XPR1: variants seen among roughly 807,000 people sequenced by gnomAD.
The protein encoded by XPR1 is xenotropic and polytropic retrovirus receptor 1.
A neutral mutation model predicts 87.5 loss-of-function variants in XPR1; 28 were observed. That is an observed-to-expected ratio of 0.32 (90% CI 0.24 to 0.44). XPR1 has a LOEUF of 0.44. Among genes scored for constraint, XPR1 ranks in the 20% least tolerant of loss-of-function variants. The pLI is 1.00. For missense variants in XPR1, 559 were observed against 862.3 expected, an observed-to-expected ratio of 0.65 and a Z score of 4.41; for synonymous variants, 300 against 306.1, an observed-to-expected ratio of 0.98 and a Z score of 0.21.
chr1:180,768,489 C>T (rs975920927), intron 2 of XPR1, among the ~76,000 whole-genome samples: 3 of 152,196 alleles, frequency 2.0e-5, no homozygotes, highest in African/African-American at 7.2e-5. Context: ...TTATGTAATT[C>T]TCTGTGACTG....
At chr1:180,665,335 G>A (rs1371464948) in intron 1 of XPR1, among the ~76,000 whole-genome samples, 1 of 152,112 alleles carries the variant, frequency 6.6e-6, no homozygotes, top group African/African-American at 2.4e-5. Context: ...GGGATTATGG[G>A]AATTTCAATT....
rs144713123 is a variant in XPR1 at position 180,712,891 on chromosome 1, T to C, written c.121+30480T>C. Reference sequence around the variant, plus strand: ...GGTCTATTTCTTGATTACTATAGCTTTAGTAATAGTCTTGAAATCAATTAG... The same window carrying C: ...GGTCTATTTCTTGATTACTATAGCTCTAGTAATAGTCTTGAAATCAATTAG... On this transcript the variant is annotated intron_variant, in intron 2 of 14. Coordinates refer to ENST00000367590, the MANE Select transcript of XPR1 (RefSeq NM_004736.4). 7.8e-3 allele frequency among the ~76,000 whole-genome samples: 1,183 copies of C among 151,616 alleles called. 17 individuals are homozygous for C. The highest frequency in any genetic ancestry group is 0.027 in the African/African-American group (1,131 of 41,426).
Position 180,689,194 on chromosome 1 carries a change from C to T in XPR1, c.121+6783C>T, listed in dbSNP as rs540678653. Among the ~76,000 whole-genome samples, 22 of 152,178 alleles carry T rather than the reference C, an allele frequency of 1.4e-4. No homozygotes were observed. In the South Asian group the frequency reaches 2.1e-3, roughly 14 times the overall value. On this transcript the variant is annotated intron_variant, in intron 2 of 14. Coordinates refer to ENST00000367590, the MANE Select transcript of XPR1 (RefSeq NM_004736.4). Reference sequence around the variant, plus strand: ...TTTAGATTTGTGCATTCTGAGACCACTTTAAGGTTGCATGACTCAGTAATG... The same window carrying T: ...TTTAGATTTGTGCATTCTGAGACCATTTTAAGGTTGCATGACTCAGTAATG...
At position 180,880,215 on chromosome 1, in the gene XPR1, G is replaced by A; in HGVS notation, c.1948G>A (p.Asp650Asn). The A allele has an allele frequency of 1.2e-6, 2 of 1,614,184 alleles. No individual in the cohort carries two copies. Among genetic ancestry groups the A allele is most frequent in the Non-Finnish European group, 8.5e-7 (1 of 1,180,040 alleles). The stretch of plus-strand genomic sequence containing the variant: ...CCTAGAACAGATGATGGACCAGGAT[G>A]ATGGGGTACGAAACCGCCAGAAGAA... Reference protein sequence around the residue: ...TLLEQMMDQDDGVRNRQKNRS... With the variant: ...TLLEQMMDQDNGVRNRQKNRS... Residue 650 changes from aspartate to asparagine, a missense_variant, in exon 14 of 15, where the codon GAT becomes AAT. By Grantham distance (23) the Asp-to-Asn change is conservative. This residue lies in a region of XPR1 where 80 missense variants were observed against 99.5 expected (regional missense o/e 0.80). Transcript: ENST00000367590.
At chr1:180,697,324 TTTTC>T (rs1207333423) in intron 2 of XPR1, among the ~76,000 whole-genome samples, 1 of 152,080 alleles carries the variant, frequency 6.6e-6, no homozygotes, top group African/African-American at 2.4e-5. Context: ...GTGTCTCCTT[TTTTC>T]TTTCTAATTT....
At chr1:180,794,753 G>GA (rs1649509248) in intron 3 of XPR1, among the ~76,000 whole-genome samples, 2 of 152,140 alleles carry the variant, frequency 1.3e-5, no homozygotes, top group Non-Finnish European at 2.9e-5. Flanking sequence ...CAGAGCAAGG[G>GA]AAAAAATCTA....
In XPR1 at chr1:180,701,833, CTTTA is replaced by C. The variant is rs904126219; in HGVS notation, c.121+19425_121+19428del. Reference sequence around the variant, plus strand: ...GTATTTGATTCTTCTCTCTTTTTTTCTTTATTAGTCTTGCTAGCGGTCTATCAAT... The same window carrying C: ...GTATTTGATTCTTCTCTCTTTTTTTCTTAGTCTTGCTAGCGGTCTATCAAT... On this transcript the variant is annotated intron_variant, in intron 2 of 14. Coordinates refer to ENST00000367590, the MANE Select transcript of XPR1 (RefSeq NM_004736.4). 3.6e-5 allele frequency among the ~76,000 whole-genome samples: 5 copies of C among 138,942 alleles called. 2 individuals carry two copies. Among genetic ancestry groups the C allele is most frequent in the African/African-American group, 1.5e-4 (5 of 33,086 alleles). The allele number at this position is 138,942 out of a possible 152,430, so 91.2% of individuals were successfully genotyped here.
At chr1:180,663,471 C>A (rs1655846413) in intron 1 of XPR1, among the ~76,000 whole-genome samples, 1 of 152,160 alleles carries the variant, frequency 6.6e-6, no homozygotes, top group African/African-American at 2.4e-5. Flanking sequence ...TTGTTCTCAT[C>A]TTTTACTTTG....
At chr1:180,670,430 T>G (rs560899154) in intron 1 of XPR1, among the ~76,000 whole-genome samples, 6 of 152,320 alleles carry the variant, frequency 3.9e-5, no homozygotes, top group Non-Finnish European at 8.8e-5. Context: ...TAACATCATA[T>G]AGTTAAAACA....
rs1169516551 is a variant in XPR1 at position 180,728,305 on chromosome 1, G to T, written c.121+45894G>T. On this transcript the variant is annotated intron_variant, in intron 2 of 14. Transcript: ENST00000367590. ...AAGGAGTTGTTTATAACTGGGGGGG[G>T]GGGTAGTAATGAAAACTATGTTGAT... Among the ~76,000 whole-genome samples, 7 of 144,036 alleles carry T rather than the reference G, an allele frequency of 4.9e-5. No homozygotes were observed. In the South Asian group the frequency reaches 9.6e-4, roughly 20 times the overall value. 94.5% of individuals were successfully genotyped at this position (144,036 alleles called of 152,430 possible).
In XPR1 at chr1:180,658,738, T is replaced by G. The variant is rs1571689873; in HGVS notation, c.70-23622T>G. ...CGCCACCATGCCCAGCTTTTTTTTT[T>G]TTTTGTATTTTTAGTAGAGACGGGG... On this transcript the variant is annotated intron_variant, in intron 1 of 14. Coordinates refer to ENST00000367590, the MANE Select transcript of XPR1 (RefSeq NM_004736.4). Among the ~76,000 whole-genome samples the G allele has an allele frequency of 2.0e-5, 3 of 151,572 alleles. No individual in the cohort carries two copies. The East Asian group carries it at 5.8e-4, about 29-fold the overall frequency.
chr1:180,673,123 GT>G lies in XPR1; in HGVS notation c.70-9231del, dbSNP rs2101933157. 1.3e-5 allele frequency among the ~76,000 whole-genome samples: 2 copies of G among 152,200 alleles called. 1 individual carries two copies. Among genetic ancestry groups the G allele is most frequent in the South Asian group, 4.1e-4 (2 of 4,828 alleles). On this transcript the variant is annotated intron_variant, in intron 1 of 14. Transcript: ENST00000367590. ...AATGGTTAGCTGATAGGAAGTAGGA[GT>G]TTTTTAGCTTCTGATCTCCTTTAAA... is the stretch of plus-strand genomic sequence containing the variant.
intron 13 of XPR1, among the ~76,000 whole-genome samples, chr1:180,878,965 C>G (rs1652753996): frequency 6.6e-6 from 1 of 152,176 alleles, no homozygotes; most frequent in South Asian, 2.1e-4. Flanking sequence ...TATGCTATCT[C>G]CAGCCATAAA....
At chr1:180,674,089 T>C (rs1656284727) in intron 1 of XPR1, among the ~76,000 whole-genome samples, 3 of 152,272 alleles carry the variant, frequency 2.0e-5, no homozygotes, top group South Asian at 4.1e-4. Context: ...GTGTTATGCA[T>C]GTATGATCAT....
intron 1 of XPR1, among the ~76,000 whole-genome samples, chr1:180,681,051 C>CT (rs1656560662): frequency 6.6e-6 from 1 of 152,122 alleles, no homozygotes; most frequent in East Asian, 1.9e-4. Flanking sequence ...ATACTAGAGG[C>CT]TGGGAAGGGA....
chr1:180,885,966 A>G lies in XPR1; in HGVS notation c.*1900A>G, dbSNP rs1413501581. 6.6e-6 allele frequency: 1 copy of G among 152,144 alleles called. No individual in the cohort carries two copies. Among genetic ancestry groups the G allele is most frequent in the Non-Finnish European group, 1.5e-5 (1 of 68,006 alleles). 9.4% of individuals were successfully genotyped at this position (152,144 alleles called of 1,614,324 possible). On this transcript the variant is annotated 3_prime_UTR_variant, in exon 15 of 15. Transcript: ENST00000367590. Reference sequence around the variant, plus strand: ...CTTCCAAAATGTGTTCCCTTTTTGAATCGAGGTTTTTTTGTTTTGTTTTGT... The same window carrying G: ...CTTCCAAAATGTGTTCCCTTTTTGAGTCGAGGTTTTTTTGTTTTGTTTTGT...
chr1:180,720,793 G>C (rs1658156875), intron 2 of XPR1, among the ~76,000 whole-genome samples: 1 of 152,094 alleles, frequency 6.6e-6, no homozygotes, highest in Admixed American at 6.5e-5. Flanking sequence ...ATTGCCTTTT[G>C]TTGTACCAGC....
At chr1:180,822,969 G>A (rs1465412958) in intron 7 of XPR1, among the ~76,000 whole-genome samples, 1 of 152,136 alleles carries the variant, frequency 6.6e-6, no homozygotes, top group Non-Finnish European at 1.5e-5. Flanking sequence ...GCTGGGCATG[G>A]TGGCTCACTC....
intron 2 of XPR1, among the ~76,000 whole-genome samples, chr1:180,776,533 G>C (rs1648734964): frequency 6.6e-6 from 1 of 151,854 alleles, no homozygotes; most frequent in African/African-American, 2.4e-5. Context: ...AATGATTGCA[G>C]GGTACCAGAA....
Sources: gnomAD v4.1 joint callset for allele counts (sites outside exome capture counted in the v4.1 genomes callset) on GRCh38, gnomAD v4.1.1 for gene constraint, gnomAD v4.1.1 regional missense constraint, MANE v1.5 for transcripts, NCBI Gene and HGNC (gene_info 2026-07-23, HGNC 2026-07-21) for gene names.